The following NANS variants were observed in gnomAD, a reference collection of about 807,000 sequenced individuals.
NANS encodes N-acetylneuraminate-9-phosphate synthase.
NANS carries 29 observed loss-of-function variants against 33.3 expected under a neutral mutation model. The observed-to-expected ratio is 0.87, with a 90% confidence interval of 0.65 to 1.19. The LOEUF is 1.19. NANS is among the 50% of genes most tolerant of loss of function. The pLI is 0.00. For synonymous variants in NANS, 163 were observed against 177.2 expected, an observed-to-expected ratio of 0.92 and a Z score of 0.64; for missense variants, 394 against 461.1, an observed-to-expected ratio of 0.85 and a Z score of 1.33.
chr9:98,080,955 G>A lies in NANS; in HGVS notation c.743G>A (p.Ser248Asn). ...HITLDKTWKG[S>N]DHSASLEPGE... is the part of the protein sequence containing the mutation. ...ACTTTGGACAAGACCTGGAAGGGGA[G>A]TGACCACTCGGCCTCGCTGGAGCCT... is the stretch of plus-strand genomic sequence containing the variant. The change falls in exon 5 of 6, where the codon AGT becomes AAT. Residue 248 changes from serine to asparagine, a missense_variant. Coordinates refer to ENST00000210444, the MANE Select transcript of NANS (RefSeq NM_018946.4). 1 of 1,614,232 alleles carries A rather than the reference G, an allele frequency of 6.2e-7. No individual in the cohort carries two copies. The highest frequency in any genetic ancestry group is 1.1e-5 in the South Asian group (1 of 91,086).
At chr9:98,064,906 A>G (rs1424885439) in intron 2 of NANS, among the ~76,000 whole-genome samples, 1 of 152,234 alleles carries the variant, frequency 6.6e-6, no homozygotes, top group Non-Finnish European at 1.5e-5. Context: ...TCTGGGCCCA[A>G]GAGCTGCCTT....
intron 2 of NANS, among the ~76,000 whole-genome samples, chr9:98,063,890 G>A (rs1829058674): frequency 6.6e-6 from 1 of 151,794 alleles, no homozygotes; most frequent in African/African-American, 2.4e-5. Flanking sequence ...TCTTTTCTCT[G>A]TTTGGGGTTG....
At chr9:98,059,330 A>T (rs1828910847) in intron 1 of NANS, among the ~76,000 whole-genome samples, 1 of 152,118 alleles carries the variant, frequency 6.6e-6, no homozygotes, top group South Asian at 2.1e-4. Flanking sequence ...GCAGCCAAGA[A>T]GTTTTTAATA....
rs781517295 is a variant in NANS at position 98,078,308 on chromosome 9, C to T, written c.564C>T (p.Tyr188=). The change falls in exon 4 of 6, where the codon TAC becomes TAT. Residue 188 remains tyrosine (Y), a synonymous_variant. Coordinates refer to ENST00000210444, the MANE Select transcript of NANS (RefSeq NM_018946.4). The part of the protein sequence containing the change: ...NFCFLQCTSA[Y]PLQPEDVNLR... ...GCTTCTTGCAGTGTACCAGCGCATA[C>T]CCGCTCCAGCCTGAGGACGTCAACC... 5 of 1,614,068 alleles carry T rather than the reference C, an allele frequency of 3.1e-6. No individual in the cohort carries two copies. Among genetic ancestry groups the T allele is most frequent in the Non-Finnish European group, 4.2e-6 (5 of 1,180,014 alleles).
In NANS at chr9:98,078,362, G is replaced by A. The variant is rs1208562322; in HGVS notation, c.603+15G>A. On this transcript the variant is annotated intron_variant, in intron 4 of 5. Coordinates refer to ENST00000210444, the MANE Select transcript of NANS (RefSeq NM_018946.4). The stretch of plus-strand genomic sequence containing the variant: ...GGGTCATCTCGGTGAGCAGGAGGGA[G>A]GGGGTTCCCTTCTTGGGCCATTTAC... 6.2e-7 allele frequency: 1 copy of A among 1,611,444 alleles called. No individual in the cohort carries two copies. The highest frequency in any genetic ancestry group is 8.5e-7 in the Non-Finnish European group (1 of 1,178,604).
intron 1 of NANS, among the ~76,000 whole-genome samples, chr9:98,059,518 GA>G (rs1828916788): frequency 6.6e-6 from 1 of 152,016 alleles, no homozygotes. Flanking sequence ...GGGATCAAGC[GA>G]TCCTCCCCCC....
Position 98,060,765 on chromosome 9 carries a change from C to T in NANS, c.133-17C>T, listed in dbSNP as rs1413064834. 6.2e-6 allele frequency: 10 copies of T among 1,612,512 alleles called. No individual in the cohort carries two copies. Among genetic ancestry groups the T allele is most frequent in the Non-Finnish European group, 8.5e-6 (10 of 1,178,568 alleles). ...ATCTACGACAGTCACTGAAAGATGT[C>T]CTAATGTGTGTTGTAGGAGTGTGGG... On this transcript the variant is annotated splice_polypyrimidine_tract_variant and intron_variant, in intron 1 of 5. Transcript: ENST00000210444.
intron 3 of NANS, 27 bp from the exon 4 acceptor site, chr9:98,078,166 T>G: frequency 6.2e-7 from 1 of 1,614,106 alleles, no homozygotes; most frequent in Non-Finnish European, 8.5e-7. Flanking sequence ...GAGAAAGTGC[T>G]GATGGTGTTG....
At chr9:98,073,518 CGT>C (rs1829444706) in intron 2 of NANS, among the ~76,000 whole-genome samples, 1 of 150,766 alleles carries the variant, frequency 6.6e-6, no homozygotes, top group South Asian at 2.1e-4. Context: ...CTCCTGACCT[CGT>C]GATCTGCCCG....
At chr9:98,078,905 A>C (rs559925345) in intron 4 of NANS, among the ~76,000 whole-genome samples, 1 of 151,600 alleles carries the variant, frequency 6.6e-6, no homozygotes, top group African/African-American at 2.4e-5. Flanking sequence ...GGCTATTGTG[A>C]ATGATGCTGC....
At chr9:98,069,951 C>G (rs1290151695) in intron 2 of NANS, among the ~76,000 whole-genome samples, 1 of 152,164 alleles carries the variant, frequency 6.6e-6, no homozygotes, top group African/African-American at 2.4e-5. Context: ...TTGTCAATGT[C>G]ATTCACCCAG....
chr9:98,081,171 C>G, intron 5 of NANS, 89 bp downstream of exon 5: 2 of 1,534,670 alleles, frequency 1.3e-6, no homozygotes, highest in Non-Finnish European at 1.8e-6. Context: ...ACCAGCCCTC[C>G]CTGAGCCAGG....
intron 3 of NANS, 56 bp from the exon 4 acceptor site, chr9:98,078,137 G>A (rs754808486): frequency 1.9e-6 from 3 of 1,609,920 alleles, no homozygotes; most frequent in East Asian, 4.5e-5. Flanking sequence ...ATGTGTTGGG[G>A]AGAGTCAGAA....
At chr9:98,063,087 G>A (rs987929480) in intron 2 of NANS, among the ~76,000 whole-genome samples, 47 of 151,070 alleles carry the variant, frequency 3.1e-4, no homozygotes, top group African/African-American at 1.1e-3. Context: ...ACCAGGCCTG[G>A]CTGATTTTTT....
intron 4 of NANS, among the ~76,000 whole-genome samples, chr9:98,080,040 CCT>C (rs1829782938): frequency 6.6e-6 from 1 of 152,156 alleles, no homozygotes; most frequent in South Asian, 2.1e-4. Context: ...GTGGCGAAAC[CCT>C]GTCTCTACTA....
In NANS at chr9:98,056,741, A is replaced by T; in HGVS notation, c.-68A>T. The stretch of plus-strand genomic sequence containing the variant: ...TCTCGCAGCGTTGCTCACAGAACAG[A>T]GTAGAGGCGGCGGCGGCGGCGGCCG... On this transcript the variant is annotated 5_prime_UTR_variant, in exon 1 of 6. Transcript: ENST00000210444. 1 of 1,563,634 alleles carries T rather than the reference A, an allele frequency of 6.4e-7. No individual in the cohort carries two copies. The highest frequency in any genetic ancestry group is 1.2e-5 in the South Asian group (1 of 86,568).
At chr9:98,080,721 T>G in intron 4 of NANS, 95 bp from the exon 5 acceptor site, 1 of 1,395,536 alleles carries the variant, frequency 7.2e-7, no homozygotes, top group South Asian at 1.4e-5. Context: ...AGCTAGTGAG[T>G]GGCTAAACCG....
intron 2 of NANS, among the ~76,000 whole-genome samples, chr9:98,067,596 T>C (rs192397129): frequency 9.2e-5 from 14 of 152,372 alleles, no homozygotes; most frequent in Admixed American, 2.6e-4. Context: ...ATATATTCTT[T>C]TGAAATTTAA....
In NANS at chr9:98,078,289, T is replaced by G. The variant is rs1166168838; in HGVS notation, c.545T>G (p.Leu182Trp). 2.5e-6 allele frequency: 4 copies of G among 1,614,004 alleles called. No homozygotes were observed. Among genetic ancestry groups the G allele is most frequent in the Non-Finnish European group, 3.4e-6 (4 of 1,180,010 alleles). The change falls in exon 4 of 6, where the codon TTG becomes TGG. Residue 182 changes from leucine (L) to tryptophan (W), a missense_variant. By Grantham distance (61) the Leu-to-Trp change is moderately conservative (BLOSUM62 -2). Transcript: ENST00000210444. ...VKPLNPNFCF[L>W]QCTSAYPLQP... is the part of the protein sequence containing the mutation. ...CCCCTCAACCCCAACTTCTGCTTCTTGCAGTGTACCAGCGCATACCCGCTC... is the reference window on the plus strand; with the variant it reads ...CCCCTCAACCCCAACTTCTGCTTCTGGCAGTGTACCAGCGCATACCCGCTC...
Sources: allele counts gnomAD v4.1 joint callset (sites outside exome capture counted in the v4.1 genomes callset), GRCh38; gene constraint gnomAD v4.1.1; transcripts MANE v1.5; gene names NCBI Gene and HGNC (gene_info 2026-07-23, HGNC 2026-07-21).